The following CADM2 variants were observed in gnomAD, a reference collection of about 807,000 sequenced individuals.
The protein encoded by CADM2 is immunoglobulin superfamily member 4D.
Under a neutral mutation model 49.8 loss-of-function variants are expected in CADM2, and 12 were observed. That is an observed-to-expected ratio of 0.24 (90% confidence interval 0.15 to 0.39). CADM2 has a LOEUF of 0.39. Ranked by LOEUF, CADM2 falls within the 10% of genes least tolerant of loss-of-function variation. The probability of loss-of-function intolerance (pLI) is 1.00; values close to 1 mark genes in which losing one functional copy is unlikely to be tolerated. For missense variants in CADM2, 378 were observed against 492.3 expected, an observed-to-expected ratio of 0.77 and a Z score of 2.20; for synonymous variants, 214 against 175.4, an observed-to-expected ratio of 1.22 and a Z score of -1.74.
intron 1 of CADM2, among the ~76,000 whole-genome samples, chr3:85,337,050 T>C (rs2045109309): frequency 7.0e-6 from 1 of 141,882 alleles, no homozygotes; most frequent in African/African-American, 2.6e-5. Context: ...TATAAATATA[T>C]ATATATATTT....
intron 3 of CADM2, among the ~76,000 whole-genome samples, chr3:85,856,887 G>T (rs1305551983): frequency 1.3e-5 from 2 of 152,144 alleles, no homozygotes; most frequent in Admixed American, 6.5e-5. Context: ...GGTAGGATGG[G>T]CAAATCAGCA....
intron 8 of CADM2, among the ~76,000 whole-genome samples, chr3:86,053,834 A>G (rs1737611962): frequency 2.6e-5 from 4 of 152,128 alleles, no homozygotes; most frequent in African/African-American, 9.7e-5. Context: ...AATAAATTTA[A>G]TAAAGTAATA....
At chr3:85,789,145 T>A (rs2071179669) in intron 2 of CADM2, among the ~76,000 whole-genome samples, 1 of 152,104 alleles carries the variant, frequency 6.6e-6, no homozygotes, top group Non-Finnish European at 1.5e-5. Flanking sequence ...AGCACTATAT[T>A]CCTCACCCTC....
intron 1 of CADM2, among the ~76,000 whole-genome samples, chr3:85,489,789 G>A (rs1182769927): frequency 7.0e-6 from 1 of 143,226 alleles, no homozygotes; most frequent in East Asian, 2.1e-4. Context: ...ATTATTTAAC[G>A]TGTGTGTGTG....
At chr3:85,172,444 T>C (rs1013780850) in intron 1 of CADM2, among the ~76,000 whole-genome samples, 4 of 152,200 alleles carry the variant, frequency 2.6e-5, no homozygotes, top group African/African-American at 9.7e-5. Flanking sequence ...AAAATTATTA[T>C]TCTAATCAAA....
At chr3:85,597,519 T>G (rs920530126) in intron 1 of CADM2, among the ~76,000 whole-genome samples, 1 of 152,138 alleles carries the variant, frequency 6.6e-6, no homozygotes. Context: ...CTCCAGAGAT[T>G]GTATGATAGT....
intron 2 of CADM2, among the ~76,000 whole-genome samples, chr3:85,735,523 A>T (rs2068098370): frequency 6.6e-6 from 1 of 152,154 alleles, no homozygotes; most frequent in Non-Finnish European, 1.5e-5. Flanking sequence ...GTTTCAGCAG[A>T]AGAGAAATGT....
At chr3:85,476,480 A>G (rs1361197376) in intron 1 of CADM2, among the ~76,000 whole-genome samples, 1 of 151,870 alleles carries the variant, frequency 6.6e-6, no homozygotes, top group Non-Finnish European at 1.5e-5. Flanking sequence ...GAAATATCCA[A>G]TTGCAGAGGG....
At chr3:85,967,713 T>C (rs1373019385) in intron 8 of CADM2, among the ~76,000 whole-genome samples, 1 of 151,590 alleles carries the variant, frequency 6.6e-6, no homozygotes, top group Non-Finnish European at 1.5e-5. Context: ...GTGCATTTAC[T>C]ATTAAATTAT....
intron 3 of CADM2, among the ~76,000 whole-genome samples, chr3:85,807,793 C>T (rs2072546985): frequency 1.3e-5 from 2 of 151,952 alleles, no homozygotes; most frequent in Admixed American, 1.3e-4. Flanking sequence ...CATAATATAC[C>T]TTGTCCAGTT....
intron 2 of CADM2, among the ~76,000 whole-genome samples, chr3:85,768,304 G>T (rs1202708054): frequency 6.6e-6 from 1 of 151,796 alleles, no homozygotes; most frequent in African/African-American, 2.4e-5. Flanking sequence ...AAATTAGCCG[G>T]GTCTGGTGGT....
chr3:85,653,918 A>G (rs1056376615), intron 1 of CADM2, among the ~76,000 whole-genome samples: 1 of 152,252 alleles, frequency 6.6e-6, no homozygotes, highest in Non-Finnish European at 1.5e-5. Flanking sequence ...CACCAGTTTC[A>G]AAAGTCAAAT....
At chr3:85,817,744 T>A (rs1038060355) in intron 3 of CADM2, among the ~76,000 whole-genome samples, 38 of 152,074 alleles carry the variant, frequency 2.5e-4, no homozygotes, top group Admixed American at 1.3e-4. Context: ...CTTCTTGAAG[T>A]GGAGCTTGCA....
intron 5 of CADM2, among the ~76,000 whole-genome samples, chr3:85,894,414 T>C (rs1357182170): frequency 6.6e-6 from 1 of 151,968 alleles, no homozygotes; most frequent in Non-Finnish European, 1.5e-5. Flanking sequence ...AGTTAATGGG[T>C]GCAGCACACC....
At chr3:85,611,595 C>A (rs1373795552) in intron 1 of CADM2, among the ~76,000 whole-genome samples, 1 of 151,782 alleles carries the variant, frequency 6.6e-6, no homozygotes, top group Non-Finnish European at 1.5e-5. Flanking sequence ...ACTGAACAAA[C>A]AAGTTGGGAT....
In CADM2 at chr3:86,039,299, AG is replaced by A. The variant is rs558922574; in HGVS notation, c.971-26303del. 2.3e-4 allele frequency among the ~76,000 whole-genome samples: 32 copies of A among 141,422 alleles called. No homozygotes were observed. The South Asian group carries it at 7.1e-3, about 31-fold the overall frequency. 92.8% of individuals were successfully genotyped at this position (141,422 alleles called of 152,430 possible). Reference sequence around the variant, plus strand: ...CCTCACCTGGGAAGTGAAAGGGGTCAGGGAATTCCTAGTCAAAGAAATTCCC... The same window carrying A: ...CCTCACCTGGGAAGTGAAAGGGGTCAGGAATTCCTAGTCAAAGAAATTCCC... On this transcript the variant is annotated intron_variant, in intron 8 of 9. Transcript: ENST00000383699.
At chr3:86,014,402 C>A in intron 8 of CADM2, 2 of 1,475,730 alleles carry the variant, frequency 1.4e-6, no homozygotes, top group Admixed American at 2.2e-5. Context: ...ATTTACTCAA[C>A]GAAGTGATGG....
At chr3:85,665,867 T>A (rs1040052473) in intron 1 of CADM2, among the ~76,000 whole-genome samples, 2 of 151,892 alleles carry the variant, frequency 1.3e-5, no homozygotes, top group Non-Finnish European at 1.5e-5. Flanking sequence ...TCCAGAGCAA[T>A]AAGTAATAAT....
chr3:85,042,336 AT>A (rs1378045549), intron 1 of CADM2, among the ~76,000 whole-genome samples: 2 of 152,130 alleles, frequency 1.3e-5, no homozygotes, highest in Non-Finnish European at 2.9e-5. Context: ...TTATGTTTTT[AT>A]TTTTATGTTT....
Sources: gnomAD v4.1 joint callset for allele counts (sites outside exome capture counted in the v4.1 genomes callset) on GRCh38, gnomAD v4.1.1 for gene constraint, MANE v1.5 for transcripts, NCBI Gene and HGNC (gene_info 2026-07-23, HGNC 2026-07-21) for gene names.